NEK10: variants seen among roughly 807,000 people sequenced by gnomAD.
The protein encoded by NEK10 is serine/threonine-protein kinase Nek10.
NEK10 carries 122 observed loss-of-function variants against 159.8 expected under a neutral mutation model. The ratio of observed to expected loss-of-function variants is 0.76; its 90% CI spans 0.66 to 0.89. The LOEUF (loss-of-function observed/expected upper bound fraction) is 0.89. Among genes scored for constraint, NEK10 ranks in the 40% least tolerant of loss-of-function variants. NEK10 has a pLI of 0.00. For missense variants in NEK10, 1,342 were observed against 1,323.1 expected, an observed-to-expected ratio of 1.01 and a Z score of -0.22; for synonymous variants, 466 against 457.1, an observed-to-expected ratio of 1.02 and a Z score of -0.25.
chr3:27,269,451 C>G (rs186753892), intron 22 of NEK10, among the ~76,000 whole-genome samples: 1 of 152,204 alleles, frequency 6.6e-6, no homozygotes, highest in East Asian at 1.9e-4. Flanking sequence ...TAAGCAGCAT[C>G]AAGTCATGAC....
At chr3:27,364,395 TG>T (rs2048909009) in intron 1 of NEK10, among the ~76,000 whole-genome samples, 1 of 127,930 alleles carries the variant, frequency 7.8e-6, no homozygotes, top group Non-Finnish European at 1.6e-5. Context: ...TGTGTGTGTG[TG>T]TGTGTGTGTA....
chr3:27,244,605 C>G (rs1180514518), intron 23 of NEK10, among the ~76,000 whole-genome samples: 1 of 152,118 alleles, frequency 6.6e-6, no homozygotes, highest in Non-Finnish European at 1.5e-5. Context: ...AGAGCCTATC[C>G]CAACCATAGC....
chr3:27,232,535 T>A (rs956789388), intron 23 of NEK10, among the ~76,000 whole-genome samples: 3 of 150,126 alleles, frequency 2.0e-5, no homozygotes, highest in Non-Finnish European at 3.0e-5. Flanking sequence ...AATATCATCA[T>A]CATTCTTCAC....
intron 23 of NEK10, among the ~76,000 whole-genome samples, chr3:27,219,734 A>G (rs914861746): frequency 2.0e-5 from 3 of 152,222 alleles, no homozygotes; most frequent in African/African-American, 7.2e-5. Context: ...TGAGTCACTT[A>G]GTCAGAAAGG....
intron 23 of NEK10, among the ~76,000 whole-genome samples, chr3:27,207,576 T>C (rs1306191758): frequency 6.6e-6 from 1 of 152,190 alleles, no homozygotes; most frequent in Non-Finnish European, 1.5e-5. Context: ...ATAGACTTAC[T>C]ACTGTAAGTC....
intron 32 of NEK10, among the ~76,000 whole-genome samples, chr3:27,129,889 G>GT (rs199948729): frequency 0.011 from 1,540 of 144,760 alleles, 14 homozygotes; most frequent in African/African-American, 0.026. Flanking sequence ...ATTAAGAAAG[G>GT]TTTTTTTTTT....
chr3:27,217,493 T>C, intron 23 of NEK10, among the ~76,000 whole-genome samples: 1 of 151,970 alleles, frequency 6.6e-6, no homozygotes, highest in Non-Finnish European at 1.5e-5. Context: ...TTGTGAGAAC[T>C]CTATCACAAA....
At chr3:27,310,686 T>A (rs2044621932) in intron 9 of NEK10, 3 of 332,330 alleles carry the variant, frequency 9.0e-6, no homozygotes, top group South Asian at 1.0e-4. Context: ...CAAATAATAT[T>A]TAAGTAATAA....
In NEK10 at chr3:27,201,553, G is replaced by A. The variant is rs377662395; in HGVS notation, c.2248C>T (p.Pro750Ser). Residue 750 changes from proline (P) to serine (S), a missense_variant, in exon 25 of 36, where the codon CCA becomes TCA. By Grantham distance (74) the Pro-to-Ser change is moderately conservative. Transcript: ENST00000691995. ...ACTTTTTCAGAGTAGATACCTTCTG[G>A]GACTGGTTCATATACCGCCTCCACT... ...KIVEAVYEPV[P>S]EGIYSEKVTD... is the part of the protein sequence containing the mutation. The A allele has an allele frequency of 1.3e-5, 21 of 1,613,860 alleles. No individual in the cohort carries two copies. The African/African-American group carries it at 2.7e-4, about 20-fold the overall frequency.
chr3:27,260,095 T>C (rs62258168), intron 22 of NEK10, among the ~76,000 whole-genome samples: 39,108 of 152,124 alleles, frequency 0.26, 5,193 homozygotes, highest in Middle Eastern at 0.38. Flanking sequence ...GCTGAAGTTG[T>C]CTATCAGCTT....
intron 20 of NEK10, among the ~76,000 whole-genome samples, chr3:27,285,473 T>C (rs916225393): frequency 6.6e-6 from 1 of 150,850 alleles, no homozygotes; most frequent in Admixed American, 6.6e-5. Flanking sequence ...ATGACACAGT[T>C]GAAAATAACA....
chr3:27,330,797 A>C (rs903009116), intron 5 of NEK10, among the ~76,000 whole-genome samples: 3 of 152,186 alleles, frequency 2.0e-5, no homozygotes, highest in Non-Finnish European at 2.9e-5. Flanking sequence ...TAACTTTCAT[A>C]GGAACAGAAA....
At chr3:27,324,627 T>C (rs567711214) in intron 5 of NEK10, among the ~76,000 whole-genome samples, 1 of 152,110 alleles carries the variant, frequency 6.6e-6, no homozygotes, top group Non-Finnish European at 1.5e-5. Flanking sequence ...GCCACCACCA[T>C]CTTTTGCTTG....
At chr3:27,254,189 T>A (rs1955945158) in intron 23 of NEK10, among the ~76,000 whole-genome samples, 1 of 152,184 alleles carries the variant, frequency 6.6e-6, no homozygotes, top group African/African-American at 2.4e-5. Flanking sequence ...TTTTGGTTTT[T>A]TTCAATTTTT....
At chr3:27,334,496 A>T (rs1019861534) in intron 5 of NEK10, among the ~76,000 whole-genome samples, 3 of 152,136 alleles carry the variant, frequency 2.0e-5, no homozygotes, top group Non-Finnish European at 2.9e-5. Flanking sequence ...CAGGATAGGC[A>T]TGATATCCCA....
At chr3:27,282,687 T>G (rs2042289863) in intron 22 of NEK10, among the ~76,000 whole-genome samples, 1 of 144,098 alleles carries the variant, frequency 6.9e-6, no homozygotes, top group East Asian at 2.0e-4. Flanking sequence ...CTGTGTTATA[T>G]ATATACATAA....
chr3:27,234,652 T>A (rs532693503), intron 23 of NEK10, among the ~76,000 whole-genome samples: 12 of 152,232 alleles, frequency 7.9e-5, no homozygotes, highest in African/African-American at 2.9e-4. Flanking sequence ...TGTTCATGGA[T>A]AGGAAGAATC....
chr3:27,231,314 C>T lies in NEK10; in HGVS notation c.2090+24982G>A, dbSNP rs906318499. ...TTTGAAATGAATGATAACAGTGACA[C>T]AACTTATCAAAACCTCTGGAATACA... On this transcript the variant is annotated intron_variant, in intron 23 of 35. Transcript: ENST00000691995. Among the ~76,000 whole-genome samples, 4 of 152,066 alleles carry T rather than the reference C, an allele frequency of 2.6e-5. No homozygotes were observed. The East Asian group carries it at 5.8e-4, about 22-fold the overall frequency.
chr3:27,322,119 A>C, intron 6 of NEK10, 58 bp downstream of exon 6: 1 of 857,760 alleles, frequency 1.2e-6, no homozygotes, highest in Non-Finnish European at 1.9e-6. Context: ...AAAGCCCACC[A>C]GTCTTTTATT....
Sources: gnomAD v4.1 joint callset for allele counts (sites outside exome capture counted in the v4.1 genomes callset) on GRCh38, gnomAD v4.1.1 for gene constraint, MANE v1.5 for transcripts, NCBI Gene and HGNC (gene_info 2026-07-23, HGNC 2026-07-21) for gene names.